ADAMTSL1: variants seen among roughly 807,000 people sequenced by gnomAD.
ADAMTSL1 encodes the protein ADAMTS like 1.
ADAMTSL1 carries 126 observed loss-of-function variants against 201.8 expected under a neutral mutation model. The ratio of observed to expected loss-of-function variants is 0.62; its 90% CI spans 0.54 to 0.72. The LOEUF (loss-of-function observed/expected upper bound fraction) is 0.72, where lower values mean the gene tolerates loss of function less well. Among genes scored for constraint, ADAMTSL1 ranks in the 30% least tolerant of loss-of-function variants. The pLI is 0.00. For synonymous variants in ADAMTSL1, 1,121 were observed against 903.4 expected, an observed-to-expected ratio of 1.24 and a Z score of -4.32; for missense variants, 2,679 against 2,277.8, an observed-to-expected ratio of 1.18 and a Z score of -3.59.
chr9:18,288,907 A>G (rs770565099), intron 2 of ADAMTSL1, among the ~76,000 whole-genome samples: 5 of 152,216 alleles, frequency 3.3e-5, no homozygotes, highest in Admixed American at 6.5e-5. Context: ...AAGGAACTGA[A>G]TTGATTGGCA....
intron 2 of ADAMTSL1, among the ~76,000 whole-genome samples, chr9:18,431,886 G>T (rs1389735101): frequency 6.6e-6 from 1 of 152,070 alleles, no homozygotes; most frequent in Non-Finnish European, 1.5e-5. Context: ...TATATAGGCT[G>T]GGTTGTTTTT....
At chr9:18,497,841 C>G (rs1168257923) in intron 1 of ADAMTSL1, among the ~76,000 whole-genome samples, 1 of 152,170 alleles carries the variant, frequency 6.6e-6, no homozygotes. Flanking sequence ...GAGCTATAAT[C>G]CAGGCTTGAC....
At chr9:18,298,788 C>T (rs1328311771) in intron 2 of ADAMTSL1, among the ~76,000 whole-genome samples, 2 of 151,802 alleles carry the variant, frequency 1.3e-5, no homozygotes, top group African/African-American at 4.8e-5. Flanking sequence ...CTTTGGGAGG[C>T]CGCAGCGGGC....
chr9:17,908,226 G>A (rs921356500), intron 1 of ADAMTSL1, among the ~76,000 whole-genome samples: 1 of 152,138 alleles, frequency 6.6e-6, no homozygotes, highest in African/African-American at 2.4e-5. Flanking sequence ...TCAGCAAGTT[G>A]TATTCCCACC....
At chr9:18,158,397 A>G (rs2132072794) in intron 1 of ADAMTSL1, among the ~76,000 whole-genome samples, 1 of 152,004 alleles carries the variant, frequency 6.6e-6, no homozygotes, top group Admixed American at 6.6e-5. Context: ...CTATCTTGCT[A>G]CAGTTGAATA....
intron 1 of ADAMTSL1, among the ~76,000 whole-genome samples, chr9:17,953,520 C>T (rs957184674): frequency 1.3e-5 from 2 of 152,168 alleles, no homozygotes; most frequent in African/African-American, 2.4e-5. Context: ...TGAGGATGTT[C>T]ATTCATCGTC....
chr9:18,818,049 C>A (rs1380507217), intron 21 of ADAMTSL1, among the ~76,000 whole-genome samples: 1 of 152,082 alleles, frequency 6.6e-6, no homozygotes, highest in East Asian at 1.9e-4. Flanking sequence ...AAAATATTTA[C>A]CTTCAATTAA....
chr9:18,525,544 A>G (rs1018920273), intron 2 of ADAMTSL1, among the ~76,000 whole-genome samples: 2 of 152,068 alleles, frequency 1.3e-5, no homozygotes, highest in African/African-American at 2.4e-5. Flanking sequence ...TAGGGTGTCA[A>G]TTTTAGATCT....
intron 2 of ADAMTSL1, among the ~76,000 whole-genome samples, chr9:18,321,418 C>T (rs559353463): frequency 6.6e-5 from 10 of 152,292 alleles, no homozygotes; most frequent in Non-Finnish European, 1.5e-4. Flanking sequence ...AATAAATCAG[C>T]AAGGATACGT....
Position 18,721,562 on chromosome 9 carries a change from T to C in ADAMTSL1, c.1903T>C (p.Leu635=). The C allele has an allele frequency of 6.2e-7, 1 of 1,613,926 alleles. No individual in the cohort carries two copies. Among genetic ancestry groups the C allele is most frequent in the Middle Eastern group, 1.7e-4 (1 of 6,056 alleles). Residue 635 remains leucine (L), a synonymous_variant, in exon 15 of 29, where the codon TTG becomes CTG. Transcript: ENST00000380548. ...GGVQEAVVSC[L]NKQTREPAEE... is the part of the protein sequence containing the mutation. ...TGTCCAGGAGGCTGTGGTGAGCTGC[T>C]TGAACAAACAGACTCGGGAGCCTGC...
intron 2 of ADAMTSL1, among the ~76,000 whole-genome samples, chr9:18,233,798 A>C (rs1447643714): frequency 6.6e-6 from 1 of 152,154 alleles, no homozygotes; most frequent in African/African-American, 2.4e-5. Flanking sequence ...CTTCTACAGA[A>C]ATGACTTCTG....
chr9:18,883,229 C>T (rs1415575625), intron 23 of ADAMTSL1, among the ~76,000 whole-genome samples: 1 of 152,166 alleles, frequency 6.6e-6, no homozygotes, highest in East Asian at 1.9e-4. Flanking sequence ...TTACTTAGTT[C>T]AGCTGATCTA....
intron 2 of ADAMTSL1, among the ~76,000 whole-genome samples, chr9:18,458,842 T>C (rs1231716992): frequency 2.0e-5 from 3 of 152,154 alleles, no homozygotes; most frequent in Non-Finnish European, 4.4e-5. Context: ...CTTTAACAAA[T>C]CTAGCCCAGC....
intron 2 of ADAMTSL1, among the ~76,000 whole-genome samples, chr9:18,513,408 C>T (rs1367348244): frequency 6.6e-6 from 1 of 152,178 alleles, no homozygotes; most frequent in African/African-American, 2.4e-5. Context: ...TAGTACTTAT[C>T]CTTATTTCTG....
At chr9:18,553,583 G>C (rs1270048860) in intron 3 of ADAMTSL1, among the ~76,000 whole-genome samples, 1 of 151,682 alleles carries the variant, frequency 6.6e-6, no homozygotes, top group Non-Finnish European at 1.5e-5. Context: ...ATATCCTTTA[G>C]ACTTTCTGTT....
intron 1 of ADAMTSL1, 83 bp from the exon 2 acceptor site, chr9:18,504,746 C>G: frequency 6.3e-7 from 1 of 1,587,198 alleles, no homozygotes; most frequent in Non-Finnish European, 8.6e-7. Flanking sequence ...TGTACACACA[C>G]GTACAGGCCA....
chr9:18,381,606 G>T (rs543205599), intron 2 of ADAMTSL1, among the ~76,000 whole-genome samples: 1 of 152,218 alleles, frequency 6.6e-6, no homozygotes, highest in Non-Finnish European at 1.5e-5. Flanking sequence ...GGAGAAGAAA[G>T]AATTTTCTTC....
chr9:18,037,039 G>T (rs905942293), intron 1 of ADAMTSL1, among the ~76,000 whole-genome samples: 1 of 152,040 alleles, frequency 6.6e-6, no homozygotes, highest in African/African-American at 2.4e-5. Context: ...GTGATGTGTC[G>T]TCTAATCTCT....
chr9:18,354,952 C>A (rs1036037155), intron 2 of ADAMTSL1, among the ~76,000 whole-genome samples: 1 of 152,150 alleles, frequency 6.6e-6, no homozygotes, highest in East Asian at 1.9e-4. Flanking sequence ...GCCTGGGCGA[C>A]AAAGCAAGAC....
Sources: gnomAD v4.1 joint callset for allele counts (sites outside exome capture counted in the v4.1 genomes callset) on GRCh38, gnomAD v4.1.1 for gene constraint, MANE v1.5 for transcripts, NCBI Gene and HGNC (gene_info 2026-07-23, HGNC 2026-07-21) for gene names.